Variants in SDC2 observed in about 807,000 individuals in gnomAD.
The protein encoded by SDC2 is syndecan 2.
In SDC2, 13 loss-of-function variants were observed where a neutral mutation model predicts 22.2. The ratio of observed to expected loss-of-function variants is 0.59; its 90% confidence interval spans 0.38 to 0.93. The LOEUF (loss-of-function observed/expected upper bound fraction) is 0.93. Among genes scored for constraint, SDC2 ranks in the 40% least tolerant of loss-of-function variants. The pLI is 0.00. For missense variants in SDC2, 235 were observed against 246.8 expected, an observed-to-expected ratio of 0.95 and a Z score of 0.32; for synonymous variants, 94 against 92.8, an observed-to-expected ratio of 1.01 and a Z score of -0.07.
intron 1 of SDC2, among the ~76,000 whole-genome samples, chr8:96,495,174 C>T (rs1813050463): frequency 6.6e-6 from 1 of 152,180 alleles, no homozygotes; most frequent in South Asian, 2.1e-4. Context: ...GTCGCCTGGC[C>T]GCTGGGGGAC....
At chr8:96,601,336 A>G (rs182749271) in intron 2 of SDC2, among the ~76,000 whole-genome samples, 6 of 152,138 alleles carry the variant, frequency 3.9e-5, no homozygotes, top group African/African-American at 1.4e-4. Flanking sequence ...CCACTGGAAA[A>G]ATCTGCCTGT....
intron 1 of SDC2, among the ~76,000 whole-genome samples, chr8:96,557,041 C>G (rs1462609725): frequency 6.7e-6 from 1 of 150,230 alleles, no homozygotes; most frequent in Non-Finnish European, 1.5e-5. Flanking sequence ...TCATCACTGG[C>G]CATCAGAGAA....
chr8:96,607,865 A>G (rs977098873), intron 3 of SDC2, among the ~76,000 whole-genome samples: 4 of 152,122 alleles, frequency 2.6e-5, no homozygotes, highest in Non-Finnish European at 5.9e-5. Context: ...TGCTCCCCAC[A>G]GAGTGGGGAC....
chr8:96,593,734 T>A lies in SDC2; in HGVS notation c.172+143T>A, dbSNP rs1270978702. On this transcript the variant is annotated intron_variant, in intron 2 of 4. Coordinates refer to ENST00000302190, the MANE Select transcript of SDC2 (RefSeq NM_002998.4). ...TGGAATCAAAGGGCCTGGGTGCTAA[T>A]TCTAGCTCTCTCTGCCACTTACGCT... The A allele has an allele frequency of 6.7e-6, 4 of 594,934 alleles. No individual in the cohort carries two copies. In the East Asian group the frequency reaches 1.1e-4, roughly 17 times the overall value. The allele number at this position is 594,934 out of a possible 1,614,324, so 36.9% of individuals were successfully genotyped here. A position where few individuals can be genotyped will look rare whatever the true frequency, so the allele number is the denominator to read the frequency against.
At chr8:96,550,123 A>G (rs550617883) in intron 1 of SDC2, among the ~76,000 whole-genome samples, 2 of 152,352 alleles carry the variant, frequency 1.3e-5, no homozygotes, top group Admixed American at 6.5e-5. Context: ...ATGAATAAGT[A>G]TAATGTAAAA....
Position 96,609,921 on chromosome 8 carries a change from C to A in SDC2, c.*373C>A, listed in dbSNP as rs183403899. 5.6e-3 allele frequency: 882 copies of A among 158,102 alleles called. 7 individuals carry two copies. The highest frequency in any genetic ancestry group is 0.019 in the African/African-American group (798 of 41,784). 9.8% of individuals were successfully genotyped at this position (158,102 alleles called of 1,614,324 possible). On this transcript the variant is annotated 3_prime_UTR_variant, in exon 5 of 5. Transcript: ENST00000302190. ...GATTGACCTTACCAAGTTGGTCTTA[C>A]TTTGTTAATTTATCTGTTGTCCCCT...
intron 1 of SDC2, among the ~76,000 whole-genome samples, chr8:96,559,179 G>C (rs993729954): frequency 4.6e-5 from 7 of 152,176 alleles, no homozygotes; most frequent in African/African-American, 1.7e-4. Context: ...GGCCGATGGT[G>C]GCTGTGTGGG....
At chr8:96,561,337 A>G (rs1202710136) in intron 1 of SDC2, among the ~76,000 whole-genome samples, 1 of 152,214 alleles carries the variant, frequency 6.6e-6, no homozygotes, top group Non-Finnish European at 1.5e-5. Context: ...TACACTATAC[A>G]TAGAGAAGAC....
chr8:96,574,632 C>A (rs1247669874), intron 1 of SDC2, among the ~76,000 whole-genome samples: 1 of 152,190 alleles, frequency 6.6e-6, no homozygotes, highest in African/African-American at 2.4e-5. Flanking sequence ...GGACCTTGTT[C>A]TCTGTGGTAG....
At chr8:96,583,685 ATGTGTGTGTGTGTG>A (rs3064977) in intron 1 of SDC2, among the ~76,000 whole-genome samples, 1 of 142,532 alleles carries the variant, frequency 7.0e-6, no homozygotes, top group African/African-American at 2.7e-5. Flanking sequence ...TTTGAAATAT[ATGTGTGTGTGTGTG>A]TGTGTGTGTG....
chr8:96,601,907 C>T (rs1024304259), intron 2 of SDC2, among the ~76,000 whole-genome samples: 70 of 151,310 alleles, frequency 4.6e-4, no homozygotes, highest in Non-Finnish European at 4.7e-4. Context: ...TACAGGCGTG[C>T]GCCGCCACGC....
intron 1 of SDC2, among the ~76,000 whole-genome samples, chr8:96,568,061 A>G (rs914363578): frequency 2.6e-5 from 4 of 152,338 alleles, no homozygotes; most frequent in Admixed American, 1.3e-4. Context: ...TGGCAGTAAA[A>G]CAAATTCTTG....
chr8:96,576,708 C>T (rs1414301555), intron 1 of SDC2, among the ~76,000 whole-genome samples: 9 of 151,592 alleles, frequency 5.9e-5, no homozygotes, highest in East Asian at 1.9e-4. Flanking sequence ...CGTGAGCCAC[C>T]GCGCCCGGCC....
At chr8:96,578,549 T>G (rs1814540404) in intron 1 of SDC2, among the ~76,000 whole-genome samples, 1 of 152,220 alleles carries the variant, frequency 6.6e-6, no homozygotes, top group South Asian at 2.1e-4. Flanking sequence ...TGGTTTCTCT[T>G]TAATGCTTAG....
intron 1 of SDC2, chr8:96,538,922 C>G (rs1240759828): frequency 6.6e-6 from 1 of 152,236 alleles, no homozygotes; most frequent in African/African-American, 2.4e-5. Flanking sequence ...TGGTTTTGGT[C>G]ATCCCTATGA....
intron 1 of SDC2, among the ~76,000 whole-genome samples, chr8:96,503,509 T>C (rs1205679443): frequency 6.6e-6 from 1 of 152,212 alleles, no homozygotes; most frequent in Non-Finnish European, 1.5e-5. Flanking sequence ...TCCATACATG[T>C]CATAGAACTG....
intron 1 of SDC2, among the ~76,000 whole-genome samples, chr8:96,502,560 T>G (rs1483582872): frequency 1.1e-4 from 16 of 141,786 alleles, no homozygotes; most frequent in Admixed American, 1.1e-3. Context: ...GTTTCTGGCC[T>G]GGATCTCCAT....
intron 1 of SDC2, among the ~76,000 whole-genome samples, chr8:96,497,419 T>G (rs147633651): frequency 6.6e-6 from 1 of 152,346 alleles, no homozygotes; most frequent in African/African-American, 2.4e-5. Flanking sequence ...AATGGATGTC[T>G]GAGAAGCAAT....
chr8:96,522,305 A>G (rs1025153884), intron 1 of SDC2, among the ~76,000 whole-genome samples: 4 of 152,030 alleles, frequency 2.6e-5, no homozygotes, highest in Non-Finnish European at 5.9e-5. Flanking sequence ...GCCTGTGTCT[A>G]TTTATTGTTG....
Sources: gnomAD v4.1 joint callset for allele counts (sites outside exome capture counted in the v4.1 genomes callset) on GRCh38, gnomAD v4.1.1 for gene constraint, MANE v1.5 for transcripts, NCBI Gene and HGNC (gene_info 2026-07-23, HGNC 2026-07-21) for gene names.